Variants in RGS17 observed in about 807,000 individuals in gnomAD.
The protein encoded by RGS17 is regulator of G-protein signaling 17.
In RGS17, 12 loss-of-function variants were observed where a neutral mutation model predicts 25.5. The ratio of observed to expected loss-of-function variants is 0.47; its 90% CI spans 0.30 to 0.76. The LOEUF is 0.76. Among genes scored for constraint, RGS17 ranks in the 30% least tolerant of loss-of-function variants. RGS17 has a pLI of 0.07. For synonymous variants in RGS17, 71 were observed against 76.9 expected, an observed-to-expected ratio of 0.92 and a Z score of 0.40; for missense variants, 196 against 242.2, an observed-to-expected ratio of 0.81 and a Z score of 1.27.
chr6:153,070,746 C>T (rs900803224), intron 1 of RGS17, among the ~76,000 whole-genome samples: 5 of 147,790 alleles, frequency 3.4e-5, no homozygotes, highest in Admixed American at 2.0e-4. Context: ...CATACATAGA[C>T]GTATATGTGT....
chr6:153,034,342 T>C (rs1776205705), intron 2 of RGS17, among the ~76,000 whole-genome samples: 2 of 152,198 alleles, frequency 1.3e-5, no homozygotes, highest in South Asian at 2.1e-4. Context: ...GACGTATACC[T>C]GTGCCGATTA....
At chr6:153,052,921 C>A (rs1393944297) in intron 1 of RGS17, among the ~76,000 whole-genome samples, 3 of 152,150 alleles carry the variant, frequency 2.0e-5, no homozygotes, top group African/African-American at 7.2e-5. Context: ...CCCCAGATTA[C>A]TCTCCTGCTC....
At position 153,008,558 on chromosome 6, in the gene RGS17, T is replaced by TTA. The variant is rs1779101290; in HGVS notation, c.*3014_*3015dup. ...GAAGAAATCTGGCTCTCCAATTTATTTATATATACATAATCTGTATCCTCT... is the reference window on the plus strand; with the variant it reads ...GAAGAAATCTGGCTCTCCAATTTATTTATATATATACATAATCTGTATCCTCT... On this transcript the variant is annotated 3_prime_UTR_variant, in exon 5 of 5. Transcript: ENST00000206262. 1 of 152,200 alleles carries TTA rather than the reference T, an allele frequency of 6.6e-6. No homozygotes were observed. Among genetic ancestry groups the TTA allele is most frequent in the African/African-American group, 2.4e-5 (1 of 41,446 alleles). The allele number at this position is 152,200 out of a possible 1,614,324, so 9.4% of individuals were successfully genotyped here.
chr6:153,014,467 T>A (rs1358562159), intron 4 of RGS17, among the ~76,000 whole-genome samples: 2 of 152,130 alleles, frequency 1.3e-5, no homozygotes, highest in Non-Finnish European at 2.9e-5. Flanking sequence ...AGCCCATGGA[T>A]CAAGAAGTAA....
intron 1 of RGS17, among the ~76,000 whole-genome samples, chr6:153,072,720 C>T (rs1189401766): frequency 2.6e-5 from 4 of 152,184 alleles, no homozygotes; most frequent in Admixed American, 1.3e-4. Flanking sequence ...GGTTGGTTGG[C>T]TGAGTCCATC....
intron 4 of RGS17, among the ~76,000 whole-genome samples, chr6:153,015,522 T>C (rs776153576): frequency 1.3e-4 from 20 of 152,246 alleles, no homozygotes; most frequent in Non-Finnish European, 2.5e-4. Context: ...TATGACTTTC[T>C]AAAAGCTCAG....
At chr6:153,070,768 CATATACACATATACAT>C (rs1776781856) in intron 1 of RGS17, among the ~76,000 whole-genome samples, 1 of 149,220 alleles carries the variant, frequency 6.7e-6, no homozygotes, top group Non-Finnish European at 1.5e-5. Context: ...TATGTATATA[CATATACACATATACAT>C]ATATACACAT....
intron 1 of RGS17, among the ~76,000 whole-genome samples, chr6:153,129,469 C>A (rs1777752611): frequency 6.6e-6 from 1 of 152,240 alleles, no homozygotes; most frequent in Non-Finnish European, 1.5e-5. Context: ...TTATTTCGTA[C>A]ACGCAGCGTC....
Sources: allele counts gnomAD v4.1 joint callset (sites outside exome capture counted in the v4.1 genomes callset), GRCh38; gene constraint gnomAD v4.1.1; transcripts MANE v1.5; gene names NCBI Gene and HGNC (gene_info 2026-07-23, HGNC 2026-07-21).